Variants in EDIL3 observed in about 807,000 individuals in gnomAD.
EDIL3 encodes EGF like and discoidin domains 3, also known as EGF-like repeat and discoidin I-like domain-containing protein 3.
A neutral mutation model predicts 67.4 loss-of-function variants in EDIL3; 37 were observed. The observed-to-expected ratio is 0.55, with a 90% CI of 0.42 to 0.72. The LOEUF (loss-of-function observed/expected upper bound fraction) is 0.72. EDIL3 is among the 30% of genes least tolerant of loss of function. The pLI, the probability that EDIL3 is intolerant of heterozygous loss-of-function variation, is 0.00. For missense variants in EDIL3, 527 were observed against 586.3 expected, an observed-to-expected ratio of 0.90 and a Z score of 1.04; for synonymous variants, 195 against 196.3, an observed-to-expected ratio of 0.99 and a Z score of 0.05.
intron 6 of EDIL3, among the ~76,000 whole-genome samples, chr5:84,085,380 G>A (rs527923824): frequency 2.4e-4 from 36 of 152,180 alleles, no homozygotes; most frequent in Admixed American, 1.4e-3. Context: ...GGTCTTTTTT[G>A]TTGATGTTGT....
intron 1 of EDIL3, among the ~76,000 whole-genome samples, chr5:84,324,348 A>C (rs1269635532): frequency 6.6e-6 from 1 of 152,006 alleles, no homozygotes; most frequent in East Asian, 1.9e-4. Flanking sequence ...ACACAATGGA[A>C]ATTTAAAAAT....
rs571744826 is a variant in EDIL3, at chr5:84,242,615, T to C, written c.196+11469A>G. On this transcript the variant is annotated intron_variant, in intron 2 of 10. Coordinates refer to ENST00000296591, the MANE Select transcript of EDIL3 (RefSeq NM_005711.5). ...AAGTTCAAGATCAGCCTGGGCGACA[T>C]GGCAAAACCCTGTCTCTACACAAAG... Among the ~76,000 whole-genome samples, 8 of 151,714 alleles carry C rather than the reference T, an allele frequency of 5.3e-5. No individual in the cohort carries two copies. The South Asian group carries it at 1.7e-3, about 32-fold the overall frequency.
chr5:84,128,580 T>G (rs1477751814), intron 5 of EDIL3, among the ~76,000 whole-genome samples: 2 of 152,128 alleles, frequency 1.3e-5, no homozygotes, highest in East Asian at 3.9e-4. Context: ...TGTTTTTTGT[T>G]TTGTATATAT....
intron 10 of EDIL3, among the ~76,000 whole-genome samples, chr5:83,943,957 A>T (rs974071984): frequency 6.6e-6 from 1 of 152,058 alleles, no homozygotes; most frequent in African/African-American, 2.4e-5. Flanking sequence ...TACAGCTATC[A>T]TCTGGAGCAG....
At chr5:83,974,574 A>G (rs2112141886) in intron 9 of EDIL3, among the ~76,000 whole-genome samples, 1 of 152,134 alleles carries the variant, frequency 6.6e-6, no homozygotes, top group Middle Eastern at 3.4e-3. Context: ...GGTCCGTAAC[A>G]CTGTGAGCAT....
intron 3 of EDIL3, among the ~76,000 whole-genome samples, chr5:84,213,947 T>C (rs1227534735): frequency 6.6e-6 from 1 of 152,148 alleles, no homozygotes; most frequent in Non-Finnish European, 1.5e-5. Flanking sequence ...CTTGTGGACC[T>C]CAAACTTAGG....
At chr5:84,026,254 G>A (rs16900844) in intron 9 of EDIL3, among the ~76,000 whole-genome samples, 3,353 of 152,142 alleles carry the variant, frequency 0.022, 115 homozygotes, top group African/African-American at 0.075. Flanking sequence ...TTTCTGTTTT[G>A]ATCCCACAGA....
At chr5:84,061,015 C>T (rs1746533245) in intron 8 of EDIL3, among the ~76,000 whole-genome samples, 2 of 152,094 alleles carry the variant, frequency 1.3e-5, no homozygotes, top group African/African-American at 2.4e-5. Context: ...TGTTAATCTT[C>T]ATCACTGATT....
intron 6 of EDIL3, among the ~76,000 whole-genome samples, chr5:84,078,198 A>G (rs1019213368): frequency 1.3e-5 from 2 of 152,144 alleles, no homozygotes; most frequent in African/African-American, 2.4e-5. Context: ...ATCCACACAC[A>G]TATCTATTGT....
intron 3 of EDIL3, among the ~76,000 whole-genome samples, chr5:84,180,791 T>C (rs1749000770): frequency 6.6e-6 from 1 of 152,124 alleles, no homozygotes; most frequent in Non-Finnish European, 1.5e-5. Context: ...AAATTTGCCT[T>C]AAGAGGTTAT....
intron 4 of EDIL3, among the ~76,000 whole-genome samples, chr5:84,141,924 C>CATATAT (rs1267450756): frequency 4.7e-4 from 60 of 128,702 alleles, no homozygotes; most frequent in African/African-American, 1.8e-3. Flanking sequence ...TATATATATA[C>CATATAT]ACATATATAT....
chr5:83,973,519 A>T (rs569097356), intron 9 of EDIL3, among the ~76,000 whole-genome samples: 1 of 152,216 alleles, frequency 6.6e-6, no homozygotes, highest in South Asian at 2.1e-4. Context: ...GCATTGTGTC[A>T]GGATCTTTTG....
chr5:84,364,377 C>G (rs1299924285), intron 1 of EDIL3, among the ~76,000 whole-genome samples: 1 of 152,160 alleles, frequency 6.6e-6, no homozygotes, highest in Non-Finnish European at 1.5e-5. Context: ...TAAACGAATT[C>G]ATATTGCTTT....
intron 9 of EDIL3, among the ~76,000 whole-genome samples, chr5:84,004,719 C>T (rs1745383622): frequency 6.6e-6 from 1 of 151,874 alleles, no homozygotes; most frequent in Non-Finnish European, 1.5e-5. Flanking sequence ...GCAGTAATGC[C>T]CACATCAAAA....
chr5:84,105,268 A>G (rs1747438539), intron 6 of EDIL3, among the ~76,000 whole-genome samples: 1 of 152,110 alleles, frequency 6.6e-6, no homozygotes, highest in South Asian at 2.1e-4. Flanking sequence ...AGTCAAGTGT[A>G]ACTTAAGAAG....
At chr5:84,360,673 T>A (rs1405233068) in intron 1 of EDIL3, among the ~76,000 whole-genome samples, 1 of 152,050 alleles carries the variant, frequency 6.6e-6, no homozygotes, top group African/African-American at 2.4e-5. Context: ...AATATGAAAG[T>A]AGAACCTGGT....
intron 9 of EDIL3, among the ~76,000 whole-genome samples, chr5:84,037,981 C>CTT (rs1746049962): frequency 9.0e-6 from 1 of 111,072 alleles, no homozygotes; most frequent in African/African-American, 4.3e-5. Context: ...TCTTTTCTTT[C>CTT]TTTCTTGTTT....
chr5:84,356,372 C>T (rs758352425), intron 1 of EDIL3, among the ~76,000 whole-genome samples: 1 of 152,214 alleles, frequency 6.6e-6, no homozygotes, highest in Non-Finnish European at 1.5e-5. Context: ...CATGCTTTTC[C>T]ATCAGTGTCC....
intron 1 of EDIL3, among the ~76,000 whole-genome samples, chr5:84,279,780 C>T (rs1745660637): frequency 6.6e-6 from 1 of 152,176 alleles, no homozygotes; most frequent in Admixed American, 6.6e-5. Flanking sequence ...CTGACACTTT[C>T]CCTTTCCCAG....
Sources: gnomAD v4.1 joint callset for allele counts (sites outside exome capture counted in the v4.1 genomes callset) on GRCh38, gnomAD v4.1.1 for gene constraint, MANE v1.5 for transcripts, NCBI Gene and HGNC (gene_info 2026-07-23, HGNC 2026-07-21) for gene names.